The following TFRC variants were observed in gnomAD, a reference collection of about 807,000 sequenced individuals.
TFRC encodes transferrin receptor protein 1.
TFRC carries 35 observed loss-of-function variants against 85.8 expected under a neutral mutation model. The observed-to-expected ratio is 0.41, with a 90% confidence interval of 0.31 to 0.54. The LOEUF (loss-of-function observed/expected upper bound fraction) is 0.54. Ranked by LOEUF, TFRC falls within the 20% of genes least tolerant of loss-of-function variation. The pLI is 0.31. For synonymous variants in TFRC, 362 were observed against 328.6 expected (o/e 1.10, Z -1.10); for missense variants, 828 against 921.5 (o/e 0.90, Z 1.31).
Position 196,049,878 on chromosome 3 carries a change from G to A in TFRC, c.*2064C>T, listed in dbSNP as rs1017711091. The A allele has an allele frequency of 8.6e-6, 2 of 231,578 alleles. No homozygotes were observed. The highest frequency in any genetic ancestry group is 8.5e-6 in the Non-Finnish European group (1 of 117,004). The allele number at this position is 231,578 out of a possible 1,614,324, so 14.3% of individuals were successfully genotyped here. ...AGTGAGGCTGTAAATCTAGGTAAGT[G>A]ACACTAAGAACCTGAAGAGACCCTA... On this transcript the variant is annotated 3_prime_UTR_variant, in exon 19 of 19. Coordinates refer to ENST00000360110, the MANE Select transcript of TFRC (RefSeq NM_001128148.3).
chr3:196,062,911 G>C lies in TFRC; in HGVS notation c.1347C>G (p.Ile449Met). The C allele has an allele frequency of 1.9e-6, 3 of 1,614,130 alleles. No individual in the cohort carries two copies. Among genetic ancestry groups the C allele is most frequent in the South Asian group, 1.1e-5 (1 of 91,074 alleles). Residue 449 changes from isoleucine (I) to methionine (M), a missense_variant, in exon 12 of 19, where the codon ATC (isoleucine) becomes ATG (methionine). Transcript: ENST00000360110. Reference protein sequence around the residue: ...KDGFQPSRSIIFASWSAGDFG... With the variant: ...KDGFQPSRSIMFASWSAGDFG... ...AGTCTCCAGCACTCCAACTGGCAAAGATAATGCTTCTGCTGGGCTGAAACC... is the reference window on the plus strand; with the variant it reads ...AGTCTCCAGCACTCCAACTGGCAAACATAATGCTTCTGCTGGGCTGAAACC...
intron 5 of TFRC, 27 bp from the exon 6 acceptor site, chr3:196,071,525 G>A (rs374828132): frequency 3.6e-4 from 572 of 1,604,548 alleles, no homozygotes; most frequent in Non-Finnish European, 4.7e-4. Context: ...GTTAAAATAA[G>A]CCTAAGGTCA....
chr3:196,056,648 C>T lies in TFRC; in HGVS notation c.1678-1347G>A, dbSNP rs985313409. Among the ~76,000 whole-genome samples, 3 of 152,154 alleles carry T rather than the reference C, an allele frequency of 2.0e-5. No homozygotes were observed. In the South Asian group the frequency reaches 6.2e-4, roughly 32 times the overall value. ...AACTCCTGACCTCAAGTGATCTACC[C>T]GCCTTGGCCTCCCAAATGCTGGGAT... On this transcript the variant is annotated intron_variant, in intron 16 of 18. Transcript: ENST00000360110.
chr3:196,060,732 A>G (rs1052754512), intron 13 of TFRC: 1 of 130,464 alleles, frequency 7.7e-6, no homozygotes, highest in Non-Finnish European at 1.6e-5. Flanking sequence ...CGGGAGGCGG[A>G]GCTTGCAGTG....
Position 196,060,265 on chromosome 3 carries a change from T to C in TFRC, c.1469-18A>G, listed in dbSNP as rs1717160250. The C allele has an allele frequency of 2.5e-6, 4 of 1,609,682 alleles. No homozygotes were observed. In the Admixed American group the frequency reaches 6.7e-5, roughly 27 times the overall value. On this transcript the variant is annotated intron_variant, in intron 13 of 18. Transcript: ENST00000360110. The stretch of plus-strand genomic sequence containing the variant: ...GCTGGTACCTGAAAATAAATTGTTT[T>C]ATCATTGCCCCTTCTCCATTCCGAT...
intron 1 of TFRC, among the ~76,000 whole-genome samples, chr3:196,080,917 A>G (rs1056398466): frequency 1.3e-5 from 2 of 152,170 alleles, no homozygotes; most frequent in African/African-American, 2.4e-5. Context: ...CTTAGCATAT[A>G]AGCATGGGGT....
In TFRC at chr3:196,060,435, T is replaced by C. The variant is rs13071789; in HGVS notation, c.1469-188A>G. 26,317 of 591,774 alleles carry C rather than the reference T, an allele frequency of 0.044. 805 individuals are homozygous for C. The highest frequency in any genetic ancestry group is 0.1 in the South Asian group (4,967 of 49,862). 36.7% of individuals were successfully genotyped at this position (591,774 alleles called of 1,614,324 possible). On this transcript the variant is annotated intron_variant, in intron 13 of 18. Transcript: ENST00000360110. ...CAAGCTCTTTAGCAACTAAGCTAACTTCACTCAAGTGGGCTCGTACTACTC... is the reference window on the plus strand; with the variant it reads ...CAAGCTCTTTAGCAACTAAGCTAACCTCACTCAAGTGGGCTCGTACTACTC...
At chr3:196,076,157 AAAAT>A (rs536846888) in intron 2 of TFRC, among the ~76,000 whole-genome samples, 1 of 151,938 alleles carries the variant, frequency 6.6e-6, no homozygotes, top group Non-Finnish European at 1.5e-5. Flanking sequence ...AAATAAAATA[AAAAT>A]AAATAAATAA....
At chr3:196,065,387 A>AAC (rs1237595412) in intron 10 of TFRC, 56 bp downstream of exon 10, 1 of 1,048,870 alleles carries the variant, frequency 9.5e-7, no homozygotes, top group East Asian at 3.2e-5. Flanking sequence ...CATCCTTAGG[A>AAC]ACAGAAAAGA....
At position 196,060,170 on chromosome 3, in the gene TFRC, A is replaced by ATAT. The variant is rs1191470359; in HGVS notation, c.1536+7_1536+9dup. On this transcript the variant is annotated intron_variant, in intron 14 of 18. Coordinates refer to ENST00000360110, the MANE Select transcript of TFRC (RefSeq NM_001128148.3). ...AAGTCATACATTTTTGTAATGAGGT[A>ATAT]TATACTCACATTTTGCATTGTTTTC... The ATAT allele has an allele frequency of 6.2e-7, 1 of 1,611,272 alleles. No individual in the cohort carries two copies. The highest frequency in any genetic ancestry group is 2.2e-5 in the East Asian group (1 of 44,826).
At chr3:196,060,570 G>A (rs1367420967) in intron 13 of TFRC, 10 of 220,642 alleles carry the variant, frequency 4.5e-5, no homozygotes, top group African/African-American at 1.9e-4. Context: ...AGGCCCAGAC[G>A]GGTGGATCAC....
At chr3:196,064,523 A>G (rs992704654) in intron 10 of TFRC, 95 bp from the exon 11 acceptor site, 29 of 1,187,292 alleles carry the variant, frequency 2.4e-5, no homozygotes, top group Middle Eastern at 2.4e-4. Context: ...AAAGCACAGT[A>G]TATGTATTAA....
chr3:196,070,804 T>TAATAATAAC (rs1304507630), intron 6 of TFRC, among the ~76,000 whole-genome samples: 4 of 141,580 alleles, frequency 2.8e-5, no homozygotes, highest in Non-Finnish European at 6.0e-5. Context: ...ATAATAATAA[T>TAATAATAAC]AATAAAATAA....
chr3:196,073,588 T>C (rs1462407613), intron 4 of TFRC, among the ~76,000 whole-genome samples: 1 of 152,200 alleles, frequency 6.6e-6, no homozygotes, highest in Admixed American at 6.5e-5. Flanking sequence ...AAGCTACTGA[T>C]GTCCTTGTCA....
At chr3:196,080,040 T>C (rs1488525293) in intron 1 of TFRC, among the ~76,000 whole-genome samples, 1 of 152,164 alleles carries the variant, frequency 6.6e-6, no homozygotes, top group Non-Finnish European at 1.5e-5. Context: ...ATATGAAAAA[T>C]ATAATGAAAA....
chr3:196,074,713 T>C (rs1460668818), intron 3 of TFRC, among the ~76,000 whole-genome samples: 1 of 151,944 alleles, frequency 6.6e-6, no homozygotes, highest in East Asian at 1.9e-4. Context: ...ACCCCGTCTC[T>C]ACTAAAAATA....
chr3:196,056,449 G>C (rs1716802310), intron 16 of TFRC, among the ~76,000 whole-genome samples: 1 of 152,182 alleles, frequency 6.6e-6, no homozygotes, highest in African/African-American at 2.4e-5. Flanking sequence ...GCCCAGGCTA[G>C]AGTGCAATGG....
intron 5 of TFRC, 60 bp downstream of exon 5, chr3:196,071,943 A>G (rs1686564486): frequency 1.3e-6 from 2 of 1,569,612 alleles, no homozygotes; most frequent in Admixed American, 3.8e-5. Flanking sequence ...TCTTTGCTAT[A>G]TTTAGCACAC....
At position 196,050,219 on chromosome 3, in the gene TFRC, A is replaced by G. The variant is rs904020753; in HGVS notation, c.*1723T>C. On this transcript the variant is annotated 3_prime_UTR_variant, in exon 19 of 19. Transcript: ENST00000360110. ...AAATGACTTGTCAATAGCAAACATT[A>G]TAAATGTATGCTACTATCTCATTAA... The G allele has an allele frequency of 4.4e-6, 1 of 225,370 alleles. No homozygotes were observed. Among genetic ancestry groups the G allele is most frequent in the Non-Finnish European group, 8.8e-6 (1 of 113,150 alleles). The allele number at this position is 225,370 out of a possible 1,614,324, so 14.0% of individuals were successfully genotyped here.
Sources: gnomAD v4.1 joint callset for allele counts (sites outside exome capture counted in the v4.1 genomes callset) on GRCh38, gnomAD v4.1.1 for gene constraint, MANE v1.5 for transcripts, NCBI Gene and HGNC (gene_info 2026-07-23, HGNC 2026-07-21) for gene names.